TXNDC5: variants seen among roughly 807,000 people sequenced by gnomAD.
TXNDC5 encodes the protein thioredoxin domain containing 5.
Under a neutral mutation model 52.6 loss-of-function variants are expected in TXNDC5, and 44 were observed. The ratio of observed to expected loss-of-function variants is 0.84; its 90% CI spans 0.66 to 1.08. The LOEUF (loss-of-function observed/expected upper bound fraction) is 1.08, where lower values mean the gene tolerates loss of function less well. TXNDC5 is among the 50% of genes least tolerant of loss of function. The probability of loss-of-function intolerance (pLI) is 0.00; values close to 1 mark genes in which losing one functional copy is unlikely to be tolerated. For synonymous variants in TXNDC5, 241 were observed against 234.4 expected, an observed-to-expected ratio of 1.03 and a Z score of -0.26; for missense variants, 600 against 565.5, an observed-to-expected ratio of 1.06 and a Z score of -0.62.
chr6:7,899,532 AGAGG>A (rs70982116), intron 3 of TXNDC5, 40 bp downstream of exon 3: 6,913 of 1,113,414 alleles, frequency 6.2e-3, no homozygotes, highest in East Asian at 8.9e-3. Context: ...AGGCAGGGAG[AGAGG>A]GAGGGAGGGA....
intron 3 of TXNDC5, among the ~76,000 whole-genome samples, chr6:7,896,318 A>G (rs1760368084): frequency 6.6e-6 from 1 of 152,238 alleles, no homozygotes; most frequent in South Asian, 2.1e-4. Flanking sequence ...CCAAGCAGAC[A>G]GCAATGTGTG....
At chr6:7,898,360 TGA>T (rs1302009314) in intron 3 of TXNDC5, among the ~76,000 whole-genome samples, 1 of 152,152 alleles carries the variant, frequency 6.6e-6, no homozygotes, top group African/African-American at 2.4e-5. Context: ...CCAGCCGAGT[TGA>T]GAGAGTCTTT....
intron 1 of TXNDC5, among the ~76,000 whole-genome samples, chr6:7,908,830 C>T (rs1341308089): frequency 2.0e-5 from 3 of 152,028 alleles, no homozygotes; most frequent in Non-Finnish European, 4.4e-5. Flanking sequence ...AGAGCAAGAT[C>T]CCATCTCTAA....
intron 2 of TXNDC5, among the ~76,000 whole-genome samples, chr6:7,901,731 C>A (rs1581325913): frequency 6.6e-6 from 1 of 152,182 alleles, no homozygotes; most frequent in South Asian, 2.1e-4. Flanking sequence ...TCCGCTATTA[C>A]CAAGCCTCCA....
chr6:7,882,984 G>A lies in TXNDC5; in HGVS notation c.*160C>T. On this transcript the variant is annotated 3_prime_UTR_variant, in exon 10 of 10. Coordinates refer to ENST00000379757, the MANE Select transcript of TXNDC5 (RefSeq NM_030810.5). ...TAACTTAATAAAGAATCTGTAGAGT[G>A]TGTTGGCTTGGAAAACACACACACA... The A allele has an allele frequency of 1.2e-6, 1 of 865,062 alleles. No homozygotes were observed. Among genetic ancestry groups the A allele is most frequent in the Non-Finnish European group, 1.7e-6 (1 of 574,726 alleles). 53.6% of individuals were successfully genotyped at this position (865,062 alleles called of 1,614,324 possible).
intron 5 of TXNDC5, 47 bp downstream of exon 5, chr6:7,891,574 C>T: frequency 3.3e-6 from 5 of 1,509,638 alleles, no homozygotes; most frequent in Non-Finnish European, 4.6e-6. Flanking sequence ...GCTAATTAAT[C>T]CAGCCCAAAG....
At chr6:7,906,214 C>A (rs1157376112) in intron 1 of TXNDC5, among the ~76,000 whole-genome samples, 1 of 151,878 alleles carries the variant, frequency 6.6e-6, no homozygotes, top group Non-Finnish European at 1.5e-5. Context: ...GCACTCCAGC[C>A]TGGGTGACAG....
chr6:7,907,162 TCCC>T (rs1177412069), intron 1 of TXNDC5, among the ~76,000 whole-genome samples: 4 of 147,398 alleles, frequency 2.7e-5, no homozygotes, highest in Non-Finnish European at 5.9e-5. Flanking sequence ...GCTTTTTTTT[TCCC>T]TTTTTTTTTT....
intron 7 of TXNDC5, among the ~76,000 whole-genome samples, chr6:7,886,275 G>A (rs1759979593): frequency 6.6e-6 from 1 of 152,216 alleles, no homozygotes; most frequent in African/African-American, 2.4e-5. Flanking sequence ...CCCAAGCCTG[G>A]GAGATGTGGT....
At chr6:7,892,910 AGGGAGGGCG>A (rs950060032) in intron 4 of TXNDC5, among the ~76,000 whole-genome samples, 2 of 152,212 alleles carry the variant, frequency 1.3e-5, no homozygotes, top group Admixed American at 1.3e-4. Flanking sequence ...TTCTTGGAGA[AGGGAGGGCG>A]GGCTGTGCCC....
At chr6:7,907,747 C>A (rs1011211931) in intron 1 of TXNDC5, among the ~76,000 whole-genome samples, 7 of 152,190 alleles carry the variant, frequency 4.6e-5, no homozygotes, top group Non-Finnish European at 7.4e-5. Context: ...AGAGTCACCA[C>A]CTTGCTCTCA....
intron 2 of TXNDC5, among the ~76,000 whole-genome samples, chr6:7,902,101 G>A (rs986911561): frequency 1.1e-4 from 16 of 152,256 alleles, no homozygotes; most frequent in African/African-American, 3.4e-4. Context: ...GCCAAGGAAC[G>A]CCAAAGATGA....
At chr6:7,889,179 C>T (rs1485435318) in intron 6 of TXNDC5, 3 of 443,540 alleles carry the variant, frequency 6.8e-6, no homozygotes, top group Non-Finnish European at 1.2e-5. Context: ...CAGGCAGAAC[C>T]GGACCAAGTG....
At position 7,886,102 on chromosome 6, in the gene TXNDC5, G is replaced by A. The variant is rs947199319; in HGVS notation, c.964-59C>T. ...ATCCCTTAAAGTTGAGCAGGGCCAT[G>A]CTTTGGGATTGCAGATACACGAATC... On this transcript the variant is annotated intron_variant, in intron 7 of 9. Transcript: ENST00000379757. 8.3e-5 allele frequency: 122 copies of A among 1,474,632 alleles called. 1 individual carries two copies. Among genetic ancestry groups the A allele is most frequent in the Non-Finnish European group, 1.1e-4 (121 of 1,064,224 alleles). The allele number at this position is 1,474,632 out of a possible 1,614,324, so 91.3% of individuals were successfully genotyped here. A position where few individuals can be genotyped will look rare whatever the true frequency, so the allele number is the denominator to read the frequency against.
rs1254142681 is a variant in TXNDC5, at chr6:7,883,104, T to C, written c.*40A>G. 13 of 1,613,214 alleles carry C rather than the reference T, an allele frequency of 8.1e-6. No individual in the cohort carries two copies. The highest frequency in any genetic ancestry group is 8.5e-6 in the Non-Finnish European group (10 of 1,179,778). On this transcript the variant is annotated 3_prime_UTR_variant, in exon 10 of 10. Coordinates refer to ENST00000379757, the MANE Select transcript of TXNDC5 (RefSeq NM_030810.5). ...TGGGACTGAACTCCTAAACGCAGGG[T>C]GCGGGAGCTGGGCAGGAGAGGTGAC...
chr6:7,881,900 G>GATA lies in TXNDC5; in HGVS notation c.*1243_*1244insTAT, dbSNP rs2113304600. The GATA allele has an allele frequency of 6.8e-6, 1 of 146,936 alleles. No individual in the cohort carries two copies. The highest frequency in any genetic ancestry group is 2.1e-4 in the South Asian group (1 of 4,750). The allele number at this position is 146,936 out of a possible 1,614,324, so 9.1% of individuals were successfully genotyped here. A position where few individuals can be genotyped will look rare whatever the true frequency, so the allele number is the denominator to read the frequency against. On this transcript the variant is annotated 3_prime_UTR_variant, in exon 10 of 10. Transcript: ENST00000379757. ...AAGTGGTTATTATGGGAAGTAGCTC[G>GATA]ATGGTAAAAGGACAAACACCTATCT...
chr6:7,891,241 C>T (rs1333043140), intron 5 of TXNDC5, among the ~76,000 whole-genome samples: 3 of 152,164 alleles, frequency 2.0e-5, no homozygotes, highest in Non-Finnish European at 4.4e-5. Context: ...TGGGGGAGCA[C>T]AGAGCCAGGG....
chr6:7,893,290 C>T (rs1221641974), intron 4 of TXNDC5, among the ~76,000 whole-genome samples: 1 of 152,254 alleles, frequency 6.6e-6, no homozygotes, highest in African/African-American at 2.4e-5. Flanking sequence ...CTCATCAGCA[C>T]AGCAACAATG....
chr6:7,904,550 T>C (rs1760673600), intron 2 of TXNDC5, 24 bp downstream of exon 2: 1 of 1,611,866 alleles, frequency 6.2e-7, no homozygotes, highest in Non-Finnish European at 8.5e-7. Flanking sequence ...ACCTAGGAAG[T>C]GTGCCCCCTT....
Sources: allele counts gnomAD v4.1 joint callset (sites outside exome capture counted in the v4.1 genomes callset), GRCh38; gene constraint gnomAD v4.1.1; transcripts MANE v1.5; gene names NCBI Gene and HGNC (gene_info 2026-07-23, HGNC 2026-07-21).